ARID5B: variants seen among roughly 807,000 people sequenced by gnomAD.
ARID5B encodes AT-rich interactive domain-containing protein 5B.
ARID5B carries 13 observed loss-of-function variants against 97.2 expected under a neutral mutation model. The ratio of observed to expected loss-of-function variants is 0.13; its 90% confidence interval spans 0.09 to 0.21. The LOEUF (loss-of-function observed/expected upper bound fraction) is 0.21. Among genes scored for constraint, ARID5B ranks in the 10% least tolerant of loss-of-function variants. The pLI, the probability that ARID5B is intolerant of heterozygous loss-of-function variation, is 1.00. For synonymous variants in ARID5B, 556 were observed against 570.3 expected (o/e 0.97, Z 0.36); for missense variants, 1,210 against 1,465.3 (o/e 0.83, Z 2.84).
rs142418662 is a variant in ARID5B, at chr10:62,091,196, A to G, written c.1733A>G (p.Lys578Arg). 1.2e-6 allele frequency: 2 copies of G among 1,614,006 alleles called. No individual in the cohort carries two copies. Among genetic ancestry groups the G allele is most frequent in the African/African-American group, 1.3e-5 (1 of 74,904 alleles). Residue 578 changes from lysine to arginine, a missense_variant, in exon 10 of 10, where the codon AAA (lysine) becomes AGA (arginine). Coordinates refer to ENST00000279873, the MANE Select transcript of ARID5B (RefSeq NM_032199.3). ...SALVDSKQES[K>R]LCCFTESPES... is the part of the protein sequence containing the mutation. ...CTGGTGGACTCAAAACAAGAATCCA[A>G]ACTGTGCTGTTTTACAGAGAGCCCT...
intron 3 of ARID5B, among the ~76,000 whole-genome samples, chr10:61,967,004 G>T (rs574896227): frequency 1.3e-5 from 2 of 151,992 alleles, no homozygotes; most frequent in African/African-American, 4.8e-5. Flanking sequence ...AGAAATAATG[G>T]TTAGCTCAGA....
intron 7 of ARID5B, among the ~76,000 whole-genome samples, chr10:62,066,891 TC>T (rs1839996925): frequency 6.6e-6 from 1 of 152,214 alleles, no homozygotes; most frequent in Non-Finnish European, 1.5e-5. Context: ...ATTGTGGGTA[TC>T]CCCTACTAGA....
rs1008507928 is a variant in ARID5B, at chr10:62,084,921, T to C, written c.1200-781T>C. On this transcript the variant is annotated intron_variant, in intron 8 of 9. Transcript: ENST00000279873. ...TAGCACACTAAAACAGAACTCCTAGTGGAGTCCCCTACCCCACTCAGAGCT... is the reference window on the plus strand; with the variant it reads ...TAGCACACTAAAACAGAACTCCTAGCGGAGTCCCCTACCCCACTCAGAGCT... Among the ~76,000 whole-genome samples the C allele has an allele frequency of 2.6e-5, 4 of 152,240 alleles. No individual in the cohort carries two copies. The East Asian group carries it at 5.8e-4, about 22-fold the overall frequency.
intron 4 of ARID5B, among the ~76,000 whole-genome samples, chr10:62,039,848 T>C (rs1589269850): frequency 6.6e-6 from 1 of 152,370 alleles, no homozygotes; most frequent in East Asian, 1.9e-4. Context: ...CTGAAGCAGG[T>C]TGGCAAAGCC....
intron 4 of ARID5B, among the ~76,000 whole-genome samples, chr10:62,026,733 C>T (rs940055012): frequency 6.6e-6 from 1 of 152,112 alleles, no homozygotes; most frequent in Non-Finnish European, 1.5e-5. Context: ...GAGATTTGCT[C>T]TAAATATGTT....
chr10:61,926,117 A>G (rs527862639), intron 2 of ARID5B, among the ~76,000 whole-genome samples: 4 of 152,262 alleles, frequency 2.6e-5, no homozygotes, highest in Non-Finnish European at 5.9e-5. Context: ...TTCAGAGTCT[A>G]TCTTCATTGC....
At chr10:62,025,810 C>A (rs73274380) in intron 4 of ARID5B, among the ~76,000 whole-genome samples, 3,697 of 74,544 alleles carry the variant, frequency 0.05, 165 homozygotes, top group African/African-American at 0.17. Context: ...GGAGTGGAAG[C>A]GAAAAAAAAA....
At position 62,093,211 on chromosome 10, in the gene ARID5B, C is replaced by A; in HGVS notation, c.*181C>A. 4.8e-6 allele frequency: 4 copies of A among 834,262 alleles called. No homozygotes were observed. The highest frequency in any genetic ancestry group is 7.1e-6 in the Non-Finnish European group (4 of 564,054). The allele number at this position is 834,262 out of a possible 1,614,324, so 51.7% of individuals were successfully genotyped here. A position where few individuals can be genotyped will look rare whatever the true frequency, so the allele number is the denominator to read the frequency against. ...CTGATTTTTGTGGGACAACTCTAGC[C>A]CACAAACTGACTGGCTGGTGAGTCT... On this transcript the variant is annotated 3_prime_UTR_variant, in exon 10 of 10. Transcript: ENST00000279873.
chr10:62,042,808 G>A (rs571524569), intron 4 of ARID5B, among the ~76,000 whole-genome samples: 3 of 151,812 alleles, frequency 2.0e-5, no homozygotes, highest in Non-Finnish European at 1.5e-5. Context: ...CCAGCTACTC[G>A]GGAGGCCGAG....
intron 7 of ARID5B, among the ~76,000 whole-genome samples, chr10:62,064,894 C>T (rs1357494243): frequency 6.6e-6 from 1 of 152,074 alleles, no homozygotes; most frequent in East Asian, 1.9e-4. Context: ...CTGCCTCAGC[C>T]TCCTGAGTAG....
At chr10:61,964,131 A>T (rs141559333) in intron 3 of ARID5B, among the ~76,000 whole-genome samples, 69 of 152,266 alleles carry the variant, frequency 4.5e-4, no homozygotes, top group African/African-American at 1.6e-3. Context: ...GGCAGGCATC[A>T]GTCTAAATGG....
chr10:61,948,926 A>C (rs756695758), intron 3 of ARID5B, among the ~76,000 whole-genome samples: 1 of 151,954 alleles, frequency 6.6e-6, no homozygotes, highest in African/African-American at 2.4e-5. Flanking sequence ...CTGCCACTAC[A>C]CTCCCTGAAG....
At chr10:61,924,331 T>C (rs1315996373) in intron 2 of ARID5B, among the ~76,000 whole-genome samples, 3 of 152,232 alleles carry the variant, frequency 2.0e-5, no homozygotes, top group Non-Finnish European at 2.9e-5. Context: ...AAATTGGCTT[T>C]TGCATTAATC....
chr10:61,905,637 C>A (rs986592881), intron 2 of ARID5B, among the ~76,000 whole-genome samples: 1 of 152,106 alleles, frequency 6.6e-6, no homozygotes, highest in East Asian at 1.9e-4. Context: ...CCCAGTGAAA[C>A]CTACCCTTGA....
chr10:62,091,561 A>C lies in ARID5B; in HGVS notation c.2098A>C (p.Ser700Arg). 2 of 1,612,956 alleles carry C rather than the reference A, an allele frequency of 1.2e-6. No individual in the cohort carries two copies. The highest frequency in any genetic ancestry group is 3.3e-5 in the Admixed American group (2 of 59,856). ...LAKKKLLSQV[S>R]GASLSSSYPY... ...CAAGAAAAAGCTTTTGTCCCAAGTGAGTGGGGCCAGCCTCTCCAGCAGCTA... is the reference window on the plus strand; with the variant it reads ...CAAGAAAAAGCTTTTGTCCCAAGTGCGTGGGGCCAGCCTCTCCAGCAGCTA... Residue 700 changes from serine (S) to arginine (R), a missense_variant, in exon 10 of 10, where the codon AGT becomes CGT. Transcript: ENST00000279873.
chr10:62,025,411 A>T (rs1839408020), intron 4 of ARID5B: 1 of 152,214 alleles, frequency 6.6e-6, no homozygotes, highest in South Asian at 2.1e-4. Context: ...GAGAGTTTGG[A>T]GACGGGGAGA....
At chr10:61,908,822 A>G (rs1324462357) in intron 2 of ARID5B, among the ~76,000 whole-genome samples, 1 of 145,782 alleles carries the variant, frequency 6.9e-6, no homozygotes, top group Non-Finnish European at 1.5e-5. Context: ...AAAAAAAAAA[A>G]GAAGAAGAAG....
At chr10:61,917,383 G>T (rs912415789) in intron 2 of ARID5B, among the ~76,000 whole-genome samples, 1 of 152,060 alleles carries the variant, frequency 6.6e-6, no homozygotes, top group Non-Finnish European at 1.5e-5. Flanking sequence ...CTGGAGTGCA[G>T]TGATGCCATC....
chr10:61,934,959 G>A (rs1254668241), intron 2 of ARID5B, among the ~76,000 whole-genome samples: 3 of 151,008 alleles, frequency 2.0e-5, no homozygotes, highest in Non-Finnish European at 4.4e-5. Flanking sequence ...GTTGCAGTGA[G>A]CCGAGATTGC....
Sources: gnomAD v4.1 joint callset for allele counts (sites outside exome capture counted in the v4.1 genomes callset) on GRCh38, gnomAD v4.1.1 for gene constraint, MANE v1.5 for transcripts, NCBI Gene and HGNC (gene_info 2026-07-23, HGNC 2026-07-21) for gene names.